Variants in CRISPLD2 observed in about 807,000 individuals in gnomAD.
CRISPLD2 encodes cysteine rich secretory protein LCCL domain containing 2, also known as cysteine-rich secretory protein LCCL domain-containing 2.
In CRISPLD2, 47 loss-of-function variants were observed where a neutral mutation model predicts 71.1. That is an observed-to-expected ratio of 0.66 (90% CI 0.52 to 0.84). The LOEUF is 0.84. Among genes scored for constraint, CRISPLD2 ranks in the 40% least tolerant of loss-of-function variants. The pLI is 0.00. For synonymous variants in CRISPLD2, 317 were observed against 250.1 expected (o/e 1.27, Z -2.52); for missense variants, 830 against 651.1 (o/e 1.27, Z -2.99).
intron 14 of CRISPLD2, among the ~76,000 whole-genome samples, chr16:84,903,084 C>A (rs569454749): frequency 1.5e-3 from 221 of 152,164 alleles, no homozygotes; most frequent in Middle Eastern, 3.4e-3. Flanking sequence ...CAGCCCATTT[C>A]TAAGTTCAGT....
At chr16:84,864,094 C>G (rs921607875) in intron 6 of CRISPLD2, among the ~76,000 whole-genome samples, 1 of 152,138 alleles carries the variant, frequency 6.6e-6, no homozygotes, top group Non-Finnish European at 1.5e-5. Context: ...TGGTCACCAG[C>G]TTTAGAGCCA....
intron 6 of CRISPLD2, among the ~76,000 whole-genome samples, chr16:84,863,692 G>A (rs756727289): frequency 9.2e-5 from 14 of 152,168 alleles, no homozygotes; most frequent in Non-Finnish European, 1.6e-4. Flanking sequence ...GGGGATGGCC[G>A]GGCGCGGTGG....
At chr16:84,841,438 G>C (rs1916768312) in intron 2 of CRISPLD2, among the ~76,000 whole-genome samples, 1 of 152,168 alleles carries the variant, frequency 6.6e-6, no homozygotes, top group Non-Finnish European at 1.5e-5. Flanking sequence ...AGAGGTCAGA[G>C]AGGCAGGCAG....
At chr16:84,901,013 G>GCACACA (rs3222775) in intron 14 of CRISPLD2, among the ~76,000 whole-genome samples, 18 of 140,180 alleles carry the variant, frequency 1.3e-4, no homozygotes, top group African/African-American at 1.8e-4. Context: ...TGGTGTCACT[G>GCACACA]CACACACACA....
chr16:84,869,424 A>G (rs1172407173), intron 8 of CRISPLD2, among the ~76,000 whole-genome samples: 1 of 152,246 alleles, frequency 6.6e-6, no homozygotes, highest in Non-Finnish European at 1.5e-5. Context: ...CGAAAGCTGA[A>G]TCGAGTTATT....
chr16:84,894,186 C>A (rs1023152960), intron 14 of CRISPLD2, among the ~76,000 whole-genome samples: 3 of 152,160 alleles, frequency 2.0e-5, no homozygotes, highest in African/African-American at 7.2e-5. Context: ...TGCTCTCTCA[C>A]CCCTGCCCAC....
At chr16:84,843,333 G>A (rs1296960632) in intron 2 of CRISPLD2, among the ~76,000 whole-genome samples, 1 of 152,224 alleles carries the variant, frequency 6.6e-6, no homozygotes, top group East Asian at 1.9e-4. Flanking sequence ...TGAGAAAGCG[G>A]CTTGGAAACG....
At chr16:84,841,228 G>A (rs1209699794) in intron 2 of CRISPLD2, among the ~76,000 whole-genome samples, 1 of 152,240 alleles carries the variant, frequency 6.6e-6, no homozygotes, top group African/African-American at 2.4e-5. Context: ...AGCCATCTCA[G>A]TTAAGACCTG....
At position 84,820,005 on chromosome 16, in the gene CRISPLD2, C is replaced by G. The variant is rs993212831; in HGVS notation, c.-203C>G. The G allele has an allele frequency of 1.3e-5, 2 of 152,328 alleles. No individual in the cohort carries two copies. Among genetic ancestry groups the G allele is most frequent in the Non-Finnish European group, 2.9e-5 (2 of 68,094 alleles). The allele number at this position is 152,328 out of a possible 1,614,324, so 9.4% of individuals were successfully genotyped here. A position where few individuals can be genotyped will look rare whatever the true frequency, so the allele number is the denominator to read the frequency against. ...CACCCACTCGCATCCCAGGGCGTCT[C>G]CGGCTGCTCCTATTGAGCTGTCTGC... On this transcript the variant is annotated 5_prime_UTR_variant, in exon 1 of 15. Transcript: ENST00000262424.
chr16:84,874,933 A>G (rs991949407), intron 11 of CRISPLD2, among the ~76,000 whole-genome samples: 1 of 152,072 alleles, frequency 6.6e-6, no homozygotes, highest in Non-Finnish European at 1.5e-5. Context: ...TGGTAACCTA[A>G]TTTTTTTCTT....
intron 4 of CRISPLD2, among the ~76,000 whole-genome samples, chr16:84,849,965 A>G (rs1029127993): frequency 4.6e-5 from 7 of 150,816 alleles, no homozygotes; most frequent in Non-Finnish European, 7.4e-5. Flanking sequence ...GGCTCATGCA[A>G]TCCTCCCCGC....
intron 13 of CRISPLD2, among the ~76,000 whole-genome samples, chr16:84,887,855 A>G (rs1272606223): frequency 1.3e-5 from 2 of 152,236 alleles, no homozygotes; most frequent in Non-Finnish European, 2.9e-5. Flanking sequence ...CAGCCTGAGC[A>G]ATAAGAGCGA....
intron 1 of CRISPLD2, among the ~76,000 whole-genome samples, chr16:84,826,345 T>C (rs1164503608): frequency 1.3e-5 from 2 of 152,236 alleles, no homozygotes; most frequent in African/African-American, 4.8e-5. Context: ...CTTTGGCACT[T>C]TGTGCTGAAG....
intron 1 of CRISPLD2, among the ~76,000 whole-genome samples, chr16:84,825,948 C>A (rs1030511328): frequency 6.6e-6 from 1 of 151,692 alleles, no homozygotes; most frequent in Admixed American, 6.6e-5. Context: ...CAGAGTGAGA[C>A]CCTGTCTCAA....
At chr16:84,886,336 C>T (rs542720154) in intron 13 of CRISPLD2, among the ~76,000 whole-genome samples, 10 of 152,224 alleles carry the variant, frequency 6.6e-5, no homozygotes, top group Non-Finnish European at 1.3e-4. Flanking sequence ...GACACAGGCT[C>T]TCTTTGGCTT....
At chr16:84,844,465 TC>T (rs1916856806) in intron 2 of CRISPLD2, among the ~76,000 whole-genome samples, 1 of 149,582 alleles carries the variant, frequency 6.7e-6, no homozygotes, top group African/African-American at 2.4e-5. Context: ...TCTGGCACTT[TC>T]TTTTCTTTTC....
chr16:84,838,531 G>T lies in CRISPLD2; in HGVS notation c.36G>T (p.Gly12=), dbSNP rs760335963. The T allele has an allele frequency of 1.2e-6, 2 of 1,614,208 alleles. No individual in the cohort carries two copies. The highest frequency in any genetic ancestry group is 4.5e-5 in the East Asian group (2 of 44,876). The change falls in exon 2 of 15, where the codon GGG becomes GGT. Residue 12 remains glycine, a synonymous_variant. Transcript: ENST00000262424. The part of the protein sequence containing the change: ...SCVLGGVIPL[G]LLFLVCGSQG... Reference sequence around the variant, plus strand: ...TCCTGGGTGGTGTCATCCCCTTGGGGCTGCTGTTCCTGGTCTGCGGATCCC... The same window carrying T: ...TCCTGGGTGGTGTCATCCCCTTGGGTCTGCTGTTCCTGGTCTGCGGATCCC...
chr16:84,856,015 C>G (rs542310804), intron 6 of CRISPLD2, among the ~76,000 whole-genome samples: 2 of 152,312 alleles, frequency 1.3e-5, no homozygotes, highest in East Asian at 3.9e-4. Flanking sequence ...AATTACAGTC[C>G]TCATATCTGC....
rs769544663 is a variant in CRISPLD2 at position 84,838,743 on chromosome 16, C to T, written c.240+8C>T. 5 of 1,608,570 alleles carry T rather than the reference C, an allele frequency of 3.1e-6. No individual in the cohort carries two copies. The highest frequency in any genetic ancestry group is 1.1e-5 in the South Asian group (1 of 90,818). ...TCCAACATGGAGTACATGGTGAGCGCCGGCTCCGGCCGCAGAGGCTGGCAC... is the reference window on the plus strand; with the variant it reads ...TCCAACATGGAGTACATGGTGAGCGTCGGCTCCGGCCGCAGAGGCTGGCAC... On this transcript the variant is annotated splice_region_variant and intron_variant, in intron 2 of 14. Transcript: ENST00000262424.
Sources: gnomAD v4.1 joint callset for allele counts (sites outside exome capture counted in the v4.1 genomes callset) on GRCh38, gnomAD v4.1.1 for gene constraint, MANE v1.5 for transcripts, NCBI Gene and HGNC (gene_info 2026-07-23, HGNC 2026-07-21) for gene names.